RIMS2: variants seen among roughly 807,000 people sequenced by gnomAD.
RIMS2 encodes the protein regulating synaptic membrane exocytosis 2.
A neutral mutation model predicts 174.4 loss-of-function variants in RIMS2; 59 were observed. That is an observed-to-expected ratio of 0.34 (90% CI 0.27 to 0.42). The LOEUF (loss-of-function observed/expected upper bound fraction) is 0.42, where lower values mean the gene tolerates loss of function less well. RIMS2 is among the 10% of genes least tolerant of loss of function. The pLI is 1.00. For synonymous variants in RIMS2, 606 were observed against 572.5 expected (o/e 1.06, Z -0.84); for missense variants, 1,620 against 1,666.3 (o/e 0.97, Z 0.48).
intron 1 of RIMS2, among the ~76,000 whole-genome samples, chr8:103,529,258 G>A (rs1835736962): frequency 6.6e-6 from 1 of 152,152 alleles, no homozygotes; most frequent in African/African-American, 2.4e-5. Context: ...CTGAGACTTT[G>A]CTGAAGTTGC....
At chr8:103,636,067 A>C (rs985387524) in intron 1 of RIMS2, among the ~76,000 whole-genome samples, 4 of 152,134 alleles carry the variant, frequency 2.6e-5, no homozygotes, top group African/African-American at 9.7e-5. Context: ...CACACTCTCC[A>C]AAGTGTAAAG....
chr8:103,938,061 C>T (rs1464091186), intron 13 of RIMS2, among the ~76,000 whole-genome samples: 1 of 152,068 alleles, frequency 6.6e-6, no homozygotes, highest in East Asian at 1.9e-4. Context: ...TGCCCAGTCT[C>T]ATATTTTCTT....
chr8:103,549,730 C>G (rs528994075), intron 1 of RIMS2, among the ~76,000 whole-genome samples: 21 of 152,244 alleles, frequency 1.4e-4, no homozygotes, highest in African/African-American at 5.1e-4. Context: ...AGACCCATCT[C>G]ACATGCATAG....
chr8:103,932,431 A>G (rs115990569), intron 12 of RIMS2, among the ~76,000 whole-genome samples: 277 of 152,354 alleles, frequency 1.8e-3, no homozygotes, highest in African/African-American at 6.5e-3. Flanking sequence ...CAGATTCTTC[A>G]GGATATATCA....
chr8:103,894,996 A>C (rs2099269177), intron 4 of RIMS2, among the ~76,000 whole-genome samples: 1 of 151,648 alleles, frequency 6.6e-6, no homozygotes, highest in Admixed American at 6.6e-5. Context: ...AAACTAAAAA[A>C]ATTAAGTTTT....
intron 4 of RIMS2, among the ~76,000 whole-genome samples, chr8:103,888,901 A>T (rs1331696831): frequency 4.0e-5 from 6 of 151,630 alleles, no homozygotes; most frequent in Non-Finnish European, 8.9e-5. Flanking sequence ...GTTTCTGCCA[A>T]CATGTATTTG....
chr8:103,627,650 G>A (rs533794420), intron 1 of RIMS2, among the ~76,000 whole-genome samples: 30 of 152,288 alleles, frequency 2.0e-4, no homozygotes, highest in African/African-American at 5.5e-4. Flanking sequence ...GGCTCCAGCC[G>A]GTCCCTCCAT....
chr8:104,231,748 C>A (rs2099230657), intron 19 of RIMS2, among the ~76,000 whole-genome samples: 1 of 152,112 alleles, frequency 6.6e-6, no homozygotes, highest in South Asian at 2.1e-4. Flanking sequence ...CCTTATACTC[C>A]CATTTCAAAA....
chr8:103,927,882 GGGTTCAGGT>G lies in RIMS2; in HGVS notation c.2238_2244+2del. On this transcript the variant is annotated splice_donor_variant and coding_sequence_variant, in exon 11 of 24. Coordinates refer to ENST00000504942, the Ensembl canonical transcript of RIMS2. LOFTEE classifies it high-confidence loss of function. The stretch of plus-strand genomic sequence containing the variant: ...AGAAGAACAACGCCTTTTGTTCCTA[GGGTTCAGGT>G]AAAGGCCTTGTCTGCCTGATAGAAA... 1 of 1,607,726 alleles carries G rather than the reference GGGTTCAGGT, an allele frequency of 6.2e-7. No individual in the cohort carries two copies.
At chr8:103,908,996 T>G (rs1051847644) in intron 4 of RIMS2, among the ~76,000 whole-genome samples, 2 of 152,202 alleles carry the variant, frequency 1.3e-5, no homozygotes, top group Non-Finnish European at 2.9e-5. Flanking sequence ...ACCATGGTGT[T>G]CCTTCAGTTC....
At chr8:103,847,278 G>A (rs572591957) in intron 3 of RIMS2, among the ~76,000 whole-genome samples, 167 of 152,068 alleles carry the variant, frequency 1.1e-3, no homozygotes, top group Non-Finnish European at 2.0e-3. Context: ...TCTACGTATC[G>A]GGGGCATAGC....
chr8:103,753,775 T>A (rs1447809695), intron 2 of RIMS2, among the ~76,000 whole-genome samples: 2 of 152,212 alleles, frequency 1.3e-5, no homozygotes, highest in East Asian at 3.8e-4. Flanking sequence ...GGTGGTGATA[T>A]CCCCTTTCTC....
At chr8:104,007,719 T>C (rs1447901608) in intron 17 of RIMS2, among the ~76,000 whole-genome samples, 3 of 152,186 alleles carry the variant, frequency 2.0e-5, no homozygotes, top group Non-Finnish European at 4.4e-5. Context: ...CATGCTTTTT[T>C]TGTGTTTCCA....
chr8:104,188,512 C>T (rs2098981431), intron 19 of RIMS2, among the ~76,000 whole-genome samples: 2 of 151,552 alleles, frequency 1.3e-5, no homozygotes, highest in African/African-American at 2.4e-5. Context: ...AAGACTTGTA[C>T]ATTTCCTGTG....
chr8:103,569,865 T>C (rs1013468864), intron 1 of RIMS2, among the ~76,000 whole-genome samples: 5 of 151,740 alleles, frequency 3.3e-5, no homozygotes, highest in African/African-American at 7.3e-5. Context: ...ACTCCTGGCC[T>C]CAAGCAGTCC....
At chr8:103,839,642 G>A (rs1466992018) in intron 3 of RIMS2, among the ~76,000 whole-genome samples, 2 of 152,120 alleles carry the variant, frequency 1.3e-5, no homozygotes, top group Non-Finnish European at 2.9e-5. Flanking sequence ...GTCCTCAGCA[G>A]GTGCAGTCTA....
intron 19 of RIMS2, among the ~76,000 whole-genome samples, chr8:104,215,883 T>C (rs1163640398): frequency 6.6e-6 from 1 of 152,152 alleles, no homozygotes; most frequent in East Asian, 1.9e-4. Context: ...TTTTCAAAGA[T>C]CAAAAATAGG....
chr8:104,074,059 A>G (rs570084524), intron 19 of RIMS2, among the ~76,000 whole-genome samples: 3 of 152,324 alleles, frequency 2.0e-5, no homozygotes, highest in Non-Finnish European at 2.9e-5. Flanking sequence ...GCTTCTCAAC[A>G]CTGAGAAGAC....
At position 104,123,542 on chromosome 8, in the gene RIMS2, CT is replaced by C. The variant is rs534167867; in HGVS notation, c.3334+108934del. On this transcript the variant is annotated intron_variant, in intron 19 of 23. Coordinates refer to ENST00000504942, the Ensembl canonical transcript of RIMS2. ...GACAGGAGGCTAATACAACAGTAGA[CT>C]TTTTTTAGAAATAGCATTTGATATG... Among the ~76,000 whole-genome samples, 6 of 151,558 alleles carry C rather than the reference CT, an allele frequency of 4.0e-5. No individual in the cohort carries two copies. The South Asian group carries it at 1.2e-3, about 32-fold the overall frequency.
Sources: allele counts gnomAD v4.1 joint callset (sites outside exome capture counted in the v4.1 genomes callset), GRCh38; gene constraint gnomAD v4.1.1; transcripts MANE v1.5; gene names NCBI Gene and HGNC (gene_info 2026-07-23, HGNC 2026-07-21).